ERMP1: variants seen among roughly 807,000 people sequenced by gnomAD.
ERMP1 encodes the protein endoplasmic reticulum metallopeptidase 1.
In ERMP1, 86 loss-of-function variants were observed where a neutral mutation model predicts 92.0. That is an observed-to-expected ratio of 0.93 (90% confidence interval 0.79 to 1.12). The LOEUF is 1.12. ERMP1 is among the 50% of genes most tolerant of loss of function. The pLI is 0.00. For synonymous variants in ERMP1, 530 were observed against 412.8 expected (o/e 1.28, Z -3.44); for missense variants, 1,342 against 1,116.3 (o/e 1.20, Z -2.88).
chr9:5,817,017 G>A (rs1268168730), intron 4 of ERMP1, among the ~76,000 whole-genome samples: 2 of 151,070 alleles, frequency 1.3e-5, no homozygotes, highest in Non-Finnish European at 2.9e-5. Context: ...TCCTGCCTCA[G>A]CCTCCCAAGT....
chr9:5,838,136 A>G (rs1446705137), intron 6 of ERMP1, among the ~76,000 whole-genome samples: 4 of 152,202 alleles, frequency 2.6e-5, no homozygotes, highest in Non-Finnish European at 5.9e-5. Flanking sequence ...AAATTATAAT[A>G]TGCACATTTG....
intron 4 of ERMP1, among the ~76,000 whole-genome samples, chr9:5,818,881 T>A (rs1382617077): frequency 6.6e-6 from 1 of 152,234 alleles, no homozygotes; most frequent in African/African-American, 2.4e-5. Flanking sequence ...TAACAGTGTA[T>A]GAAAATGACT....
At chr9:5,854,356 G>C (rs1830346020) in intron 6 of ERMP1, among the ~76,000 whole-genome samples, 1 of 152,156 alleles carries the variant, frequency 6.6e-6, no homozygotes, top group Admixed American at 6.5e-5. Context: ...GGCATAGCTA[G>C]TGCAACCTTT....
chr9:5,822,038 G>C (rs1829557887), intron 4 of ERMP1, among the ~76,000 whole-genome samples: 1 of 152,128 alleles, frequency 6.6e-6, no homozygotes, highest in Non-Finnish European at 1.5e-5. Context: ...AGGACTGCTT[G>C]AGCTCAGGAG....
chr9:5,799,895 C>T (rs1474386568), intron 11 of ERMP1, among the ~76,000 whole-genome samples: 5 of 152,122 alleles, frequency 3.3e-5, no homozygotes, highest in African/African-American at 4.8e-5. Flanking sequence ...AAAAAAAATC[C>T]GTTCTTCACT....
chr9:5,861,461 G>C (rs1311825287), intron 5 of ERMP1, among the ~76,000 whole-genome samples: 1 of 151,978 alleles, frequency 6.6e-6, no homozygotes, highest in Non-Finnish European at 1.5e-5. Flanking sequence ...CCTTTAACAA[G>C]GAGAAAGCAG....
intron 8 of ERMP1, among the ~76,000 whole-genome samples, chr9:5,807,558 C>A (rs1048633131): frequency 6.6e-6 from 1 of 152,034 alleles, no homozygotes; most frequent in Non-Finnish European, 1.5e-5. Flanking sequence ...CCAGCCTGGC[C>A]AACATGGTAA....
intron 4 of ERMP1, among the ~76,000 whole-genome samples, chr9:5,817,025 A>G (rs570898146): frequency 6.6e-6 from 1 of 151,456 alleles, no homozygotes; most frequent in Non-Finnish European, 1.5e-5. Context: ...CAGCCTCCCA[A>G]GTAGCTGGGA....
At chr9:5,808,191 A>G (rs565968564) in intron 8 of ERMP1, among the ~76,000 whole-genome samples, 3 of 152,338 alleles carry the variant, frequency 2.0e-5, no homozygotes, top group African/African-American at 7.2e-5. Context: ...AAAGAAAATG[A>G]AACACATCAC....
intron 6 of ERMP1, among the ~76,000 whole-genome samples, chr9:5,857,431 C>G (rs1830391673): frequency 6.6e-6 from 1 of 152,150 alleles, no homozygotes; most frequent in Admixed American, 6.6e-5. Context: ...TACAACTCTG[C>G]GTGTGTCTCA....
Position 5,801,296 on chromosome 9 carries a change from T to C in ERMP1, c.1947A>G (p.Lys649=). Residue 649 remains lysine (K), a synonymous_variant, in exon 11 of 15, where the codon AAA becomes AAG. Transcript: ENST00000339450. The stretch of plus-strand genomic sequence containing the variant: ...CCAAAGTTAAAGTTAGCATGGTTTT[T>C]TTTGTGCTCTTGGCAAGGTAGATGA... ...INFIYLAKST[K]KTMLTLTLVC... 1.2e-6 allele frequency: 2 copies of C among 1,613,288 alleles called. No individual in the cohort carries two copies. The highest frequency in any genetic ancestry group is 1.7e-6 in the Non-Finnish European group (2 of 1,179,670).
At chr9:5,825,068 A>G (rs764332928) in intron 3 of ERMP1, 24 bp downstream of exon 3, 3 of 1,610,304 alleles carry the variant, frequency 1.9e-6, no homozygotes, top group Non-Finnish European at 2.5e-6. Flanking sequence ...TTCAAGCCTG[A>G]TATTTAAAAC....
chr9:5,834,020 G>C (rs1830048198), upstream of ERMP1, among the ~76,000 whole-genome samples: 1 of 152,106 alleles, frequency 6.6e-6, no homozygotes, highest in South Asian at 2.1e-4. Context: ...AGACCAACTG[G>C]GAGAGCACAC....
intron 6 of ERMP1, among the ~76,000 whole-genome samples, chr9:5,854,108 G>A (rs142766778): frequency 1.6e-4 from 25 of 151,920 alleles, no homozygotes; most frequent in African/African-American, 5.6e-4. Context: ...AAGGGGTTTG[G>A]GCTCCCCACT....
At chr9:5,816,107 G>A (rs1360811400) in intron 4 of ERMP1, among the ~76,000 whole-genome samples, 4 of 152,104 alleles carry the variant, frequency 2.6e-5, no homozygotes, top group Non-Finnish European at 5.9e-5. Context: ...GCCTAGGCAG[G>A]CAAGGCAATC....
At chr9:5,857,055 C>A (rs1830383291) in intron 6 of ERMP1, among the ~76,000 whole-genome samples, 1 of 152,054 alleles carries the variant, frequency 6.6e-6, no homozygotes, top group African/African-American at 2.4e-5. Context: ...GGGTCTTACT[C>A]TGTCACCCAA....
In ERMP1 at chr9:5,830,850, A is replaced by G; in HGVS notation, c.517T>C (p.Leu173=). 1.2e-6 allele frequency: 2 copies of G among 1,614,176 alleles called. No homozygotes were observed. ...TCATAATAGCTTGTAAAACCTCCCAAGAAATCAATGCTAAAAGAGCCTGTG... is the reference window on the plus strand; with the variant it reads ...TCATAATAGCTTGTAAAACCTCCCAGGAAATCAATGCTAAAAGAGCCTGTG... ...RPTGSFSIDF[L]GGFTSYYDNI... is the part of the protein sequence containing the mutation. Residue 173 remains leucine, a synonymous_variant, in exon 2 of 15, where the codon TTG becomes CTG. Transcript: ENST00000339450.
intron 5 of ERMP1, among the ~76,000 whole-genome samples, chr9:5,861,704 GA>G (rs1170545356): frequency 7.3e-6 from 1 of 136,102 alleles, no homozygotes; most frequent in Non-Finnish European, 1.6e-5. Context: ...TGACCCCAGA[GA>G]AGAGAGGAAG....
chr9:5,809,896 C>T, intron 8 of ERMP1, 115 bp downstream of exon 8: 1 of 689,614 alleles, frequency 1.5e-6, no homozygotes. Context: ...TTTTCCATAA[C>T]CATGCTGAAC....
Sources: allele counts gnomAD v4.1 joint callset (sites outside exome capture counted in the v4.1 genomes callset), GRCh38; gene constraint gnomAD v4.1.1; transcripts MANE v1.5; gene names NCBI Gene and HGNC (gene_info 2026-07-23, HGNC 2026-07-21).